FAM168A: variants seen among roughly 807,000 people sequenced by gnomAD.
The protein encoded by FAM168A is protein FAM168A.
A neutral mutation model predicts 28.5 loss-of-function variants in FAM168A; 3 were observed. That is an observed-to-expected ratio of 0.11 (90% CI 0.05 to 0.27). The LOEUF (loss-of-function observed/expected upper bound fraction) is 0.27. FAM168A is among the 10% of genes least tolerant of loss of function. FAM168A has a pLI of 1.00. For missense variants in FAM168A, 222 were observed against 311.5 expected, an observed-to-expected ratio of 0.71 and a Z score of 2.16; for synonymous variants, 122 against 124.2, an observed-to-expected ratio of 0.98 and a Z score of 0.12.
chr11:73,439,417 G>A (rs1026823652), intron 2 of FAM168A, among the ~76,000 whole-genome samples: 3 of 152,160 alleles, frequency 2.0e-5, no homozygotes, highest in African/African-American at 7.2e-5. Context: ...CACCTAGGCT[G>A]AGCCCTAGCA....
In FAM168A at chr11:73,419,860, C is replaced by A; in HGVS notation, c.277+14G>T. 1 of 1,613,586 alleles carries A rather than the reference C, an allele frequency of 6.2e-7. No homozygotes were observed. The highest frequency in any genetic ancestry group is 1.3e-5 in the African/African-American group (1 of 75,022). On this transcript the variant is annotated intron_variant, in intron 4 of 7. Transcript: ENST00000356467. ...AACCAAGGGGAACAAGGAAATGAGA[C>A]AGGCTGTATTTACTGAAAGCCGCAG... is the stretch of plus-strand genomic sequence containing the variant.
intron 1 of FAM168A, among the ~76,000 whole-genome samples, chr11:73,494,989 G>A (rs1211466723): frequency 6.6e-6 from 1 of 151,126 alleles, no homozygotes. Context: ...CTGGGTGATG[G>A]AGTGAGACTG....
intron 1 of FAM168A, among the ~76,000 whole-genome samples, chr11:73,478,831 G>A (rs1407061488): frequency 6.6e-6 from 1 of 152,090 alleles, no homozygotes; most frequent in Admixed American, 6.6e-5. Flanking sequence ...GGAATTAACA[G>A]CAATATAGTA....
In FAM168A at chr11:73,465,421, G is replaced by C. The variant is rs529158762; in HGVS notation, c.70+2984C>G. Among the ~76,000 whole-genome samples, 193 of 152,246 alleles carry C rather than the reference G, an allele frequency of 1.3e-3. 2 individuals carry two copies. Among genetic ancestry groups the C allele is most frequent in the South Asian group, 2.7e-3 (13 of 4,822 alleles). On this transcript the variant is annotated intron_variant, in intron 2 of 7. Coordinates refer to ENST00000356467, the MANE Select transcript of FAM168A (RefSeq NM_015159.3). ...TCTATAAACAGCCCACTGTCATGGT[G>C]AATCTAGGTAAAGGGTATTCAAGTG...
chr11:73,480,822 A>G (rs1867957953), intron 1 of FAM168A, among the ~76,000 whole-genome samples: 1 of 152,212 alleles, frequency 6.6e-6, no homozygotes, highest in South Asian at 2.1e-4. Flanking sequence ...CACCAAGTCC[A>G]GTGTTCTTTC....
chr11:73,573,164 C>T (rs1403116439), intron 1 of FAM168A, among the ~76,000 whole-genome samples: 1 of 152,070 alleles, frequency 6.6e-6, no homozygotes, highest in East Asian at 1.9e-4. Flanking sequence ...TGGAACTTTC[C>T]CCTAAAAATG....
At chr11:73,590,718 C>T (rs1257445838) in intron 1 of FAM168A, among the ~76,000 whole-genome samples, 1 of 152,152 alleles carries the variant, frequency 6.6e-6, no homozygotes, top group Non-Finnish European at 1.5e-5. Flanking sequence ...ATACACACAT[C>T]TGCCTTATGC....
chr11:73,402,376 CTGTA>C lies in FAM168A; in HGVS notation c.*4383_*4386del, dbSNP rs550154166. 300 of 152,348 alleles carry C rather than the reference CTGTA, an allele frequency of 2.0e-3. No homozygotes were observed. Among genetic ancestry groups the C allele is most frequent in the African/African-American group, 6.7e-3 (279 of 41,574 alleles). 9.4% of individuals were successfully genotyped at this position (152,348 alleles called of 1,614,324 possible). A position where few individuals can be genotyped will look rare whatever the true frequency, so the allele number is the denominator to read the frequency against. ...CGCTGGGAACCTGGATGAGTCCTAT[CTGTA>C]TGAGGAGCCAAAACTTGGTGACCAA... On this transcript the variant is annotated 3_prime_UTR_variant, in exon 8 of 8. Transcript: ENST00000356467.
chr11:73,461,201 T>G (rs1482904290), intron 2 of FAM168A, among the ~76,000 whole-genome samples: 5 of 152,058 alleles, frequency 3.3e-5, no homozygotes, highest in Non-Finnish European at 7.4e-5. Context: ...ACTGAAGCCT[T>G]GACTTCCTGG....
In FAM168A at chr11:73,497,694, C is replaced by G. The variant is rs927635768; in HGVS notation, c.-18-29202G>C. On this transcript the variant is annotated intron_variant, in intron 1 of 7. Transcript: ENST00000356467. ...ACACGTTCTCACTCATAGGTGGGAA[C>G]TGAACAATGAGAACACTTGGACACA... Among the ~76,000 whole-genome samples, 4 of 151,960 alleles carry G rather than the reference C, an allele frequency of 2.6e-5. No homozygotes were observed. The East Asian group carries it at 7.8e-4, about 29-fold the overall frequency.
At chr11:73,468,667 C>T (rs1867772311) in intron 1 of FAM168A, among the ~76,000 whole-genome samples, 175 bp from the exon 2 acceptor site, 1 of 152,146 alleles carries the variant, frequency 6.6e-6, no homozygotes, top group African/African-American at 2.4e-5. Flanking sequence ...AATACTTTCC[C>T]CATTTGACAG....
intron 1 of FAM168A, among the ~76,000 whole-genome samples, chr11:73,470,210 G>A (rs902342673): frequency 2.0e-5 from 3 of 152,032 alleles, no homozygotes; most frequent in Non-Finnish European, 4.4e-5. Flanking sequence ...GCGCCTGGCC[G>A]ATCATAGATG....
intron 6 of FAM168A, 37 bp from the exon 7 acceptor site, chr11:73,407,680 C>A: frequency 6.5e-7 from 1 of 1,530,374 alleles, no homozygotes; most frequent in South Asian, 1.1e-5. Flanking sequence ...CCTGACGAGG[C>A]TGCACCAGAC....
intron 2 of FAM168A, among the ~76,000 whole-genome samples, chr11:73,454,931 G>C (rs1188416545): frequency 6.6e-6 from 1 of 152,052 alleles, no homozygotes; most frequent in African/African-American, 2.4e-5. Context: ...ATTTTTCCTG[G>C]ATGCCAGACA....
At chr11:73,514,572 T>A in intron 1 of FAM168A, among the ~76,000 whole-genome samples, 1 of 152,112 alleles carries the variant, frequency 6.6e-6, no homozygotes, top group Non-Finnish European at 1.5e-5. Context: ...GTGGCTCACA[T>A]CTGTAATCCC....
chr11:73,568,519 T>C (rs1383583347), intron 1 of FAM168A, among the ~76,000 whole-genome samples: 1 of 152,200 alleles, frequency 6.6e-6, no homozygotes, highest in East Asian at 1.9e-4. Flanking sequence ...TGCTATGACA[T>C]GACTGTATTT....
At position 73,411,508 on chromosome 11, in the gene FAM168A, G is replaced by A; in HGVS notation, c.306C>T (p.Val102=). The A allele has an allele frequency of 3.7e-6, 6 of 1,614,036 alleles. No individual in the cohort carries two copies. Among genetic ancestry groups the A allele is most frequent in the Non-Finnish European group, 5.1e-6 (6 of 1,179,960 alleles). ...FRYTAGTPYK[V]PPTQSNTAPP... is the part of the protein sequence containing the mutation. ...GAGCAGTGTTACTCTGGGTCGGTGG[G>A]ACCTTGTATGGTGTCCCCGCAGTAT... The change falls in exon 5 of 8, where the codon GTC becomes GTT. Residue 102 remains valine (V), a synonymous_variant. Coordinates refer to ENST00000356467, the MANE Select transcript of FAM168A (RefSeq NM_015159.3).
At chr11:73,462,603 C>T (rs181063607) in intron 2 of FAM168A, among the ~76,000 whole-genome samples, 74 of 152,236 alleles carry the variant, frequency 4.9e-4, no homozygotes, top group African/African-American at 1.4e-3. Flanking sequence ...TGGCTGAGAG[C>T]GGTGGCTCAT....
chr11:73,422,299 T>C (rs1481492695), intron 3 of FAM168A, among the ~76,000 whole-genome samples: 1 of 152,250 alleles, frequency 6.6e-6, no homozygotes, highest in Admixed American at 6.5e-5. Context: ...TATATTTTTC[T>C]GAATAAAAAT....
Sources: allele counts gnomAD v4.1 joint callset (sites outside exome capture counted in the v4.1 genomes callset), GRCh38; gene constraint gnomAD v4.1.1; transcripts MANE v1.5; gene names NCBI Gene and HGNC (gene_info 2026-07-23, HGNC 2026-07-21).